GRID2: variants seen among roughly 807,000 people sequenced by gnomAD.
The protein encoded by GRID2 is glutamate ionotropic receptor delta type subunit 2, also known as glutamate receptor ionotropic, delta-2.
In GRID2, 33 loss-of-function variants were observed where a neutral mutation model predicts 114.8. The observed-to-expected ratio is 0.29, with a 90% confidence interval of 0.22 to 0.38. The LOEUF is 0.38. Ranked by LOEUF, GRID2 falls within the 10% of genes least tolerant of loss-of-function variation. The probability of loss-of-function intolerance (pLI) is 1.00; values close to 1 mark genes in which losing one functional copy is unlikely to be tolerated. For missense variants in GRID2, 1,184 were observed against 1,257.7 expected (o/e 0.94, Z 0.89); for synonymous variants, 505 against 449.9 (o/e 1.12, Z -1.55).
At chr4:93,251,119 T>C (rs1216192105) in intron 8 of GRID2, among the ~76,000 whole-genome samples, 1 of 152,188 alleles carries the variant, frequency 6.6e-6, no homozygotes, top group African/African-American at 2.4e-5. Context: ...AGAAACATTA[T>C]TTCTAGCTAT....
chr4:93,786,316 T>A lies in GRID2; in HGVS notation c.221+16866T>A, dbSNP rs1297014614. 4.6e-5 allele frequency among the ~76,000 whole-genome samples: 7 copies of A among 151,988 alleles called. No individual in the cohort carries two copies. In the East Asian group the frequency reaches 1.4e-3, roughly 30 times the overall value. On this transcript the variant is annotated intron_variant, in intron 1 of 1. Transcript: ENST00000637838. ...AAGGAATATGGTGATGAAGGAGAGGTGAAGGCCAGGAAAGGAGCTCAACCT... is the reference window on the plus strand; with the variant it reads ...AAGGAATATGGTGATGAAGGAGAGGAGAAGGCCAGGAAAGGAGCTCAACCT...
intron 2 of GRID2, among the ~76,000 whole-genome samples, chr4:92,737,955 C>G (rs2149329101): frequency 6.6e-6 from 1 of 152,234 alleles, no homozygotes; most frequent in African/African-American, 2.4e-5. Context: ...TGTTTCCTCT[C>G]TAATCTCTAC....
chr4:93,084,906 C>A (rs1730194558), intron 2 of GRID2, 89 bp from the exon 3 acceptor site: 7 of 919,572 alleles, frequency 7.6e-6, no homozygotes, highest in Non-Finnish European at 1.2e-5. Context: ...TATAAAAAAT[C>A]TGTAAGCTTT....
At chr4:93,291,564 G>A (rs1034173363) in intron 8 of GRID2, among the ~76,000 whole-genome samples, 6 of 152,166 alleles carry the variant, frequency 3.9e-5, no homozygotes, top group Admixed American at 3.3e-4. Flanking sequence ...TGGCAACTAA[G>A]ATAAACTACT....
At chr4:92,454,900 A>G (rs767926134) in intron 1 of GRID2, among the ~76,000 whole-genome samples, 159 of 152,214 alleles carry the variant, frequency 1.0e-3, no homozygotes, top group Non-Finnish European at 3.8e-4. Context: ...TTATTCACAT[A>G]TTATGTTGTC....
chr4:92,716,332 T>C (rs1190923186), intron 2 of GRID2, among the ~76,000 whole-genome samples: 1 of 152,212 alleles, frequency 6.6e-6, no homozygotes, highest in East Asian at 1.9e-4. Context: ...AGAGGAAGTT[T>C]TGAGCTTTGA....
intron 4 of GRID2, among the ~76,000 whole-genome samples, chr4:93,158,290 G>C (rs945681026): frequency 6.6e-6 from 1 of 151,786 alleles, no homozygotes; most frequent in Non-Finnish European, 1.5e-5. Flanking sequence ...CTCTTCATGA[G>C]AAGTTTTATC....
chr4:93,486,634 G>T (rs1726433781), intron 11 of GRID2, among the ~76,000 whole-genome samples: 2 of 151,354 alleles, frequency 1.3e-5, no homozygotes, highest in African/African-American at 4.8e-5. Flanking sequence ...TTTCTCTTTT[G>T]GTCCTAAAGT....
chr4:92,802,880 A>C (rs555002103), intron 2 of GRID2, among the ~76,000 whole-genome samples: 27 of 152,088 alleles, frequency 1.8e-4, no homozygotes, highest in African/African-American at 5.8e-4. Flanking sequence ...ATAAGTCTGA[A>C]CCACTAGGAA....
intron 8 of GRID2, among the ~76,000 whole-genome samples, chr4:93,271,546 G>C (rs957212682): frequency 1.3e-5 from 2 of 152,148 alleles, no homozygotes; most frequent in African/African-American, 4.8e-5. Flanking sequence ...GCCCAGATTA[G>C]AGGAGGGTAG....
At chr4:93,604,721 C>T (rs968624805) in intron 13 of GRID2, among the ~76,000 whole-genome samples, 1 of 152,106 alleles carries the variant, frequency 6.6e-6, no homozygotes, top group African/African-American at 2.4e-5. Flanking sequence ...CAGTTACCAC[C>T]CTGATCAGTC....
chr4:93,305,521 T>C (rs1427968724), intron 8 of GRID2, among the ~76,000 whole-genome samples: 1 of 152,094 alleles, frequency 6.6e-6, no homozygotes, highest in Non-Finnish European at 1.5e-5. Flanking sequence ...TCTTTCAATA[T>C]TGAGAGAGGT....
intron 8 of GRID2, among the ~76,000 whole-genome samples, chr4:93,388,987 T>C (rs963795075): frequency 6.6e-6 from 1 of 152,172 alleles, no homozygotes; most frequent in African/African-American, 2.4e-5. Flanking sequence ...TATAAGGAGA[T>C]TGCTGAGCTT....
At chr4:93,472,109 G>T (rs1446083635) in intron 11 of GRID2, among the ~76,000 whole-genome samples, 3 of 151,230 alleles carry the variant, frequency 2.0e-5, no homozygotes, top group Non-Finnish European at 4.4e-5. Flanking sequence ...CGGATCACCT[G>T]AGGTTGGGAG....
chr4:93,098,625 C>T (rs918754327), intron 3 of GRID2, among the ~76,000 whole-genome samples: 5 of 151,896 alleles, frequency 3.3e-5, no homozygotes, highest in African/African-American at 1.2e-4. Context: ...CTGGGTAGAA[C>T]TGATTTACTA....
intron 13 of GRID2, among the ~76,000 whole-genome samples, chr4:93,580,811 C>G (rs569250582): frequency 1.3e-4 from 18 of 141,712 alleles, no homozygotes; most frequent in Admixed American, 2.9e-4. Context: ...CTCAAAACAA[C>G]CCCCCCCAGT....
At chr4:93,164,027 CTT>C (rs1486851743) in intron 4 of GRID2, among the ~76,000 whole-genome samples, 1 of 151,968 alleles carries the variant, frequency 6.6e-6, no homozygotes, top group Non-Finnish European at 1.5e-5. Context: ...AGTTAGTTCT[CTT>C]TATCCATGGA....
chr4:92,848,226 T>A (rs1743486738), intron 2 of GRID2, among the ~76,000 whole-genome samples: 1 of 151,698 alleles, frequency 6.6e-6, no homozygotes, highest in African/African-American at 2.4e-5. Flanking sequence ...GGATTTTTTT[T>A]TTTTTTTCAC....
At chr4:93,714,516 A>G (rs1000960546) in intron 14 of GRID2, among the ~76,000 whole-genome samples, 5 of 152,194 alleles carry the variant, frequency 3.3e-5, no homozygotes, top group Admixed American at 3.3e-4. Context: ...GAATTGCCAC[A>G]CTGTCTTCCA....
Sources: allele counts gnomAD v4.1 joint callset (sites outside exome capture counted in the v4.1 genomes callset), GRCh38; gene constraint gnomAD v4.1.1; transcripts MANE v1.5; gene names NCBI Gene and HGNC (gene_info 2026-07-23, HGNC 2026-07-21).